Variants in BTBD9 observed in about 807,000 individuals in gnomAD.
The protein encoded by BTBD9 is BTB domain containing 9.
BTBD9 carries 49 observed loss-of-function variants against 64.3 expected under a neutral mutation model. That is an observed-to-expected ratio of 0.76 (90% CI 0.61 to 0.97). The LOEUF (loss-of-function observed/expected upper bound fraction) is 0.97, where lower values mean the gene tolerates loss of function less well. BTBD9 is among the 50% of genes least tolerant of loss of function. BTBD9 has a pLI of 0.00. For synonymous variants in BTBD9, 260 were observed against 274.7 expected (o/e 0.95, Z 0.53); for missense variants, 598 against 762.1 (o/e 0.78, Z 2.53).
In BTBD9 at chr6:38,190,467, TAAAAAAAAAA is replaced by T. The variant is rs70981527; in HGVS notation, c.1641+2042_1641+2051del. Among the ~76,000 whole-genome samples, 14 of 77,510 alleles carry T rather than the reference TAAAAAAAAAA, an allele frequency of 1.8e-4. 2 individuals carry two copies. The highest frequency in any genetic ancestry group is 2.0e-4 in the Non-Finnish European group (8 of 40,890). 50.8% of individuals were successfully genotyped at this position (77,510 alleles called of 152,430 possible). On this transcript the variant is annotated intron_variant, in intron 10 of 10. Transcript: ENST00000481247. The stretch of plus-strand genomic sequence containing the variant: ...TTGGGTGACAGAGTGAAACTCTGTC[TAAAAAAAAAA>T]AAAAAAAAAAAAAGATGTTTCCCAG...
chr6:38,530,283 A>G (rs7752972), intron 6 of BTBD9, among the ~76,000 whole-genome samples: 11,422 of 152,094 alleles, frequency 0.075, 989 homozygotes, highest in East Asian at 0.23. Context: ...GACCCTTATC[A>G]GTGGTTCTGC....
At chr6:38,446,194 G>A (rs1209710946) in intron 6 of BTBD9, among the ~76,000 whole-genome samples, 3 of 152,160 alleles carry the variant, frequency 2.0e-5, no homozygotes, top group Non-Finnish European at 2.9e-5. Flanking sequence ...TGAAGACACA[G>A]CACATTCAGT....
At chr6:38,281,071 A>G (rs1761495630) in intron 8 of BTBD9, among the ~76,000 whole-genome samples, 1 of 152,244 alleles carries the variant, frequency 6.6e-6, no homozygotes, top group South Asian at 2.1e-4. Flanking sequence ...AAATAATTAC[A>G]AAACATTATT....
At chr6:38,534,119 G>A (rs1254754491) in intron 6 of BTBD9, among the ~76,000 whole-genome samples, 1 of 151,732 alleles carries the variant, frequency 6.6e-6, no homozygotes, top group Non-Finnish European at 1.5e-5. Flanking sequence ...AGATAAAATT[G>A]ACAGATCTTT....
At chr6:38,226,397 G>T (rs1164992587) in intron 9 of BTBD9, among the ~76,000 whole-genome samples, 1 of 152,174 alleles carries the variant, frequency 6.6e-6, no homozygotes. Context: ...ATGACAGAGT[G>T]GGGGCAGGGG....
chr6:38,384,344 A>G (rs1431610761), intron 6 of BTBD9, among the ~76,000 whole-genome samples: 1 of 152,210 alleles, frequency 6.6e-6, no homozygotes, highest in Non-Finnish European at 1.5e-5. Context: ...AGACTCACTG[A>G]GTAGGTTTTA....
At chr6:38,265,211 T>C (rs1433926444) in intron 8 of BTBD9, among the ~76,000 whole-genome samples, 1 of 151,952 alleles carries the variant, frequency 6.6e-6, no homozygotes, top group Non-Finnish European at 1.5e-5. Context: ...ATTACAAAAA[T>C]GTGAGGAGGT....
intron 6 of BTBD9, among the ~76,000 whole-genome samples, chr6:38,459,053 C>A (rs576529235): frequency 2.8e-4 from 43 of 152,262 alleles, no homozygotes; most frequent in Admixed American, 5.9e-4. Flanking sequence ...GAGTCTCACT[C>A]TGTTGCCCAG....
At chr6:38,299,213 T>C (rs1318105853) in intron 7 of BTBD9, among the ~76,000 whole-genome samples, 1 of 152,212 alleles carries the variant, frequency 6.6e-6, no homozygotes, top group Non-Finnish European at 1.5e-5. Context: ...TGCATAGTAT[T>C]CCATGGTGTG....
At chr6:38,402,782 A>T (rs777589691) in intron 6 of BTBD9, 1 of 699,900 alleles carries the variant, frequency 1.4e-6, no homozygotes, top group Non-Finnish European at 2.6e-6. Flanking sequence ...ATGAAACCTA[A>T]ATCAGCAAGA....
intron 4 of BTBD9, among the ~76,000 whole-genome samples, chr6:38,589,624 A>AT (rs766513954): frequency 4.6e-5 from 7 of 152,116 alleles, no homozygotes; most frequent in Admixed American, 3.9e-4. Flanking sequence ...CTACCATACT[A>AT]TTTTTTTACT....
chr6:38,577,224 T>C (rs2127472473), intron 6 of BTBD9, among the ~76,000 whole-genome samples: 1 of 152,322 alleles, frequency 6.6e-6, no homozygotes, highest in East Asian at 1.9e-4. Flanking sequence ...ATATTTCTCA[T>C]GGCTTTCATA....
At chr6:38,592,260 G>A (rs1486776514) in intron 4 of BTBD9, among the ~76,000 whole-genome samples, 1 of 152,036 alleles carries the variant, frequency 6.6e-6, no homozygotes, top group Non-Finnish European at 1.5e-5. Flanking sequence ...TTTATTTGAT[G>A]GAGGAAGGAA....
chr6:38,233,363 C>T (rs1763677454), intron 9 of BTBD9, among the ~76,000 whole-genome samples: 1 of 152,186 alleles, frequency 6.6e-6, no homozygotes, highest in Non-Finnish European at 1.5e-5. Context: ...GTCCCTGACC[C>T]TTGAAGAGAT....
chr6:38,551,740 G>A lies in BTBD9; in HGVS notation c.1154+25860C>T, dbSNP rs138443309. Among the ~76,000 whole-genome samples the A allele has an allele frequency of 7.2e-5, 11 of 152,278 alleles. No homozygotes were observed. The East Asian group carries it at 7.7e-4, about 11-fold the overall frequency. On this transcript the variant is annotated intron_variant, in intron 6 of 10. Transcript: ENST00000481247. ...TTGGGTTTCATGGTATAGACAAGGA[G>A]GAGCCACTCAAAGGTTTTACACCGG...
intron 7 of BTBD9, among the ~76,000 whole-genome samples, chr6:38,319,871 T>G (rs1763166946): frequency 6.6e-6 from 1 of 152,002 alleles, no homozygotes; most frequent in Admixed American, 6.5e-5. Context: ...TTGCCTAGGA[T>G]TTACAGTCCT....
intron 6 of BTBD9, among the ~76,000 whole-genome samples, chr6:38,414,635 G>A (rs943010880): frequency 6.6e-6 from 1 of 151,972 alleles, no homozygotes; most frequent in Non-Finnish European, 1.5e-5. Context: ...TACTCCATGG[G>A]ATCTGTTCAG....
At chr6:38,324,955 T>C (rs1414412004) in intron 7 of BTBD9, among the ~76,000 whole-genome samples, 1 of 152,176 alleles carries the variant, frequency 6.6e-6, no homozygotes, top group Non-Finnish European at 1.5e-5. Context: ...TAATGGCACC[T>C]ACCTTGTGAG....
chr6:38,545,687 G>C (rs1177243694), intron 6 of BTBD9, among the ~76,000 whole-genome samples: 1 of 150,196 alleles, frequency 6.7e-6, no homozygotes, highest in East Asian at 2.0e-4. Context: ...GCTGAGGCAG[G>C]AGAATGACGT....
Sources: allele counts gnomAD v4.1 joint callset (sites outside exome capture counted in the v4.1 genomes callset), GRCh38; gene constraint gnomAD v4.1.1; transcripts MANE v1.5; gene names NCBI Gene and HGNC (gene_info 2026-07-23, HGNC 2026-07-21).